The following PNKD variants were observed in gnomAD, a reference collection of about 807,000 sequenced individuals.
PNKD encodes the protein probable thioesterase PNKD.
Under a neutral mutation model 45.3 loss-of-function variants are expected in PNKD, and 36 were observed. That is an observed-to-expected ratio of 0.80 (90% confidence interval 0.61 to 1.05). The LOEUF is 1.05. Among genes scored for constraint, PNKD ranks in the 50% least tolerant of loss-of-function variants. PNKD has a pLI of 0.00. For missense variants in PNKD, 511 were observed against 506.6 expected, an observed-to-expected ratio of 1.01 and a Z score of -0.08; for synonymous variants, 197 against 210.1, an observed-to-expected ratio of 0.94 and a Z score of 0.54.
intron 5 of PNKD, among the ~76,000 whole-genome samples, chr2:218,341,246 G>T (rs1215123842): frequency 2.6e-5 from 4 of 152,236 alleles, no homozygotes; most frequent in Non-Finnish European, 5.9e-5. Context: ...ACAGGGAACA[G>T]GGATGGGAGG....
chr2:218,344,494 T>C lies in PNKD; in HGVS notation c.908T>C (p.Val303Ala), dbSNP rs1470956404. Residue 303 changes from valine to alanine, a missense_variant, in exon 9 of 10, where the codon GTG becomes GCG. Physicochemically the swap from Val to Ala is moderately conservative, Grantham distance 64. Transcript: ENST00000273077. ...YAEENLGFAG[V>A]VEPENLARER... ...GAGGAGAACCTGGGCTTTGCAGGTG[T>C]GGTGGAGCCCGAGAACCTGGCCCGG... 2.5e-6 allele frequency: 4 copies of C among 1,590,294 alleles called. No individual in the cohort carries two copies. The highest frequency in any genetic ancestry group is 1.1e-5 in the South Asian group (1 of 87,486).
rs1244999801 is a variant in PNKD, at chr2:218,315,120, CCTTTCTTT to C, written c.237-24643_237-24636del. On this transcript the variant is annotated intron_variant, in intron 2 of 9. Transcript: ENST00000273077. ...TCCTTCCTTCCTTCCTTCCTTCCTT[CCTTTCTTT>C]CTTTCTTTCTTTCTTTCTTCTTTCT... Among the ~76,000 whole-genome samples, 239 of 47,168 alleles carry C rather than the reference CCTTTCTTT, an allele frequency of 5.1e-3. 1 individual carries two copies. The highest frequency in any genetic ancestry group is 0.024 in the East Asian group (11 of 456). 30.9% of individuals were successfully genotyped at this position (47,168 alleles called of 152,430 possible). A position where few individuals can be genotyped will look rare whatever the true frequency, so the allele number is the denominator to read the frequency against.
chr2:218,274,844 C>A (rs539236010), intron 2 of PNKD: 3 of 153,382 alleles, frequency 2.0e-5, no homozygotes, highest in East Asian at 1.9e-4. Context: ...TTACTTTGCT[C>A]GTTCTGTTAT....
chr2:218,304,562 C>T (rs1693360960), intron 2 of PNKD, among the ~76,000 whole-genome samples: 1 of 152,208 alleles, frequency 6.6e-6, no homozygotes, highest in African/African-American at 2.4e-5. Flanking sequence ...AGCACTAAAA[C>T]TTAACTTCTC....
chr2:218,341,351 G>A (rs922925576), intron 5 of PNKD, among the ~76,000 whole-genome samples, 183 bp from the exon 6 acceptor site: 3 of 152,214 alleles, frequency 2.0e-5, no homozygotes, highest in African/African-American at 7.2e-5. Flanking sequence ...GCCAGCTTGA[G>A]TTGTTGGGGG....
intron 2 of PNKD, among the ~76,000 whole-genome samples, chr2:218,324,798 G>A (rs1574702874): frequency 6.6e-6 from 1 of 151,750 alleles, no homozygotes; most frequent in Non-Finnish European, 1.5e-5. Context: ...AGCTGGGCAC[G>A]GTGGTAAGCG....
At chr2:218,337,797 A>G (rs879322352) in intron 2 of PNKD, among the ~76,000 whole-genome samples, 19 of 152,164 alleles carry the variant, frequency 1.2e-4, no homozygotes, top group Non-Finnish European at 2.5e-4. Flanking sequence ...TGCTCCCTGC[A>G]TGTCCCACTG....
intron 2 of PNKD, among the ~76,000 whole-genome samples, chr2:218,328,115 C>T (rs1024875961): frequency 6.6e-6 from 1 of 152,210 alleles, no homozygotes; most frequent in Admixed American, 6.5e-5. Flanking sequence ...ATCCTTACCA[C>T]ATCTTTTAGC....
At chr2:218,281,753 G>A (rs1428126367) in intron 2 of PNKD, among the ~76,000 whole-genome samples, 1 of 152,196 alleles carries the variant, frequency 6.6e-6, no homozygotes, top group Non-Finnish European at 1.5e-5. Context: ...GCAAGTGGCT[G>A]GGGGCCAGTT....
At chr2:218,294,491 C>G (rs935075473) in intron 2 of PNKD, among the ~76,000 whole-genome samples, 14 of 152,296 alleles carry the variant, frequency 9.2e-5, no homozygotes, top group Admixed American at 7.8e-4. Context: ...ACCGCCCCCC[C>G]ACCAGCCTTC....
At chr2:218,303,425 T>C (rs954308709) in intron 2 of PNKD, among the ~76,000 whole-genome samples, 5 of 152,010 alleles carry the variant, frequency 3.3e-5, no homozygotes, top group African/African-American at 2.4e-5. Flanking sequence ...AGAATCACCC[T>C]GGCTCTGAGC....
At chr2:218,299,779 G>A (rs924626804) in intron 2 of PNKD, among the ~76,000 whole-genome samples, 11 of 151,798 alleles carry the variant, frequency 7.2e-5, no homozygotes, top group South Asian at 6.2e-4. Context: ...GTACCACCAC[G>A]CCAGGCTAAT....
At chr2:218,275,296 C>T in intron 2 of PNKD, 1 of 744,838 alleles carries the variant, frequency 1.3e-6, no homozygotes. Flanking sequence ...TCCTCCGTCC[C>T]CACCAAGTAC....
chr2:218,317,210 A>G (rs1462745493), intron 2 of PNKD, among the ~76,000 whole-genome samples: 1 of 152,224 alleles, frequency 6.6e-6, no homozygotes, highest in Non-Finnish European at 1.5e-5. Flanking sequence ...ACTGAGGTCA[A>G]GGCAGAGTTC....
intron 2 of PNKD, among the ~76,000 whole-genome samples, chr2:218,334,426 TACATTTGAAGAGTAGAGCCTGGGCA>T (rs1396375325): frequency 1.3e-5 from 2 of 152,074 alleles, no homozygotes; most frequent in Non-Finnish European, 2.9e-5. Context: ...ATCTTGTCAA[TACATTTGAAGAGTAGAGCCTGGGCA>T]ACATTTGAAG....
intron 2 of PNKD, among the ~76,000 whole-genome samples, chr2:218,330,789 T>A (rs1489470394): frequency 6.6e-6 from 1 of 152,238 alleles, no homozygotes; most frequent in African/African-American, 2.4e-5. Context: ...CAGATCATTC[T>A]AATATAGGTG....
intron 2 of PNKD, among the ~76,000 whole-genome samples, chr2:218,288,307 TAGTCCC>T (rs1692685595): frequency 1.3e-5 from 2 of 151,986 alleles, no homozygotes; most frequent in African/African-American, 4.8e-5. Flanking sequence ...CGGACGCCTG[TAGTCCC>T]AGCTACTCGG....
chr2:218,341,844 C>T (rs778596546), intron 6 of PNKD, 137 bp from the exon 7 acceptor site: 27 of 813,424 alleles, frequency 3.3e-5, no homozygotes, highest in Admixed American at 1.4e-4. Context: ...ACCTGAGACC[C>T]GAGGCACTGG....
At chr2:218,280,031 G>T (rs762640669) in intron 2 of PNKD, 1 of 1,613,788 alleles carries the variant, frequency 6.2e-7, no homozygotes, top group Admixed American at 1.7e-5. Context: ...CTTACCTTTC[G>T]GATAAAAGTG....
Sources: allele counts gnomAD v4.1 joint callset (sites outside exome capture counted in the v4.1 genomes callset), GRCh38; gene constraint gnomAD v4.1.1; transcripts MANE v1.5; gene names NCBI Gene and HGNC (gene_info 2026-07-23, HGNC 2026-07-21).